Variants in PDS5B observed in about 807,000 individuals in gnomAD.
The protein encoded by PDS5B is sister chromatid cohesion protein PDS5 homolog B.
A neutral mutation model predicts 184.1 loss-of-function variants in PDS5B; 51 were observed. The observed-to-expected ratio is 0.28, with a 90% CI of 0.22 to 0.35. PDS5B has a LOEUF of 0.35. Ranked by LOEUF, PDS5B falls within the 10% of genes least tolerant of loss-of-function variation. The pLI is 1.00. For missense variants in PDS5B, 1,180 were observed against 1,723.3 expected (o/e 0.68, Z 5.58); for synonymous variants, 566 against 569.2 (o/e 0.99, Z 0.08).
intron 21 of PDS5B, among the ~76,000 whole-genome samples, chr13:32,738,445 A>T (rs1351176893): frequency 6.6e-6 from 1 of 152,144 alleles, no homozygotes; most frequent in Non-Finnish European, 1.5e-5. Context: ...GTTACTAATT[A>T]AGTTTGTGTG....
intron 19 of PDS5B, among the ~76,000 whole-genome samples, chr13:32,717,699 A>AAAAT (rs1952511362): frequency 6.7e-6 from 1 of 149,270 alleles, no homozygotes; most frequent in Non-Finnish European, 1.5e-5. Flanking sequence ...AAAAAAAAAA[A>AAAAT]AAATAAATAA....
chr13:32,707,220 G>A (rs1490894441), intron 18 of PDS5B, among the ~76,000 whole-genome samples, 181 bp downstream of exon 18: 1 of 152,112 alleles, frequency 6.6e-6, no homozygotes, highest in Admixed American at 6.6e-5. Flanking sequence ...TTATTTTGGG[G>A]TTTAAATGCT....
At chr13:32,692,414 CCTTTT>C (rs1467226122) in intron 13 of PDS5B, among the ~76,000 whole-genome samples, 4,133 of 68,832 alleles carry the variant, frequency 0.06, 864 homozygotes, top group Middle Eastern at 0.098. Flanking sequence ...GTCCAAAAAG[CCTTTT>C]TTTTTTTTTT....
chr13:32,613,994 C>A (rs1345935155), intron 1 of PDS5B, among the ~76,000 whole-genome samples: 1 of 152,174 alleles, frequency 6.6e-6, no homozygotes, highest in African/African-American at 2.4e-5. Flanking sequence ...AAAGACTGTT[C>A]TTTTCCCATT....
At chr13:32,731,833 G>A (rs1045790201) in intron 19 of PDS5B, among the ~76,000 whole-genome samples, 5 of 152,102 alleles carry the variant, frequency 3.3e-5, no homozygotes, top group Admixed American at 6.6e-5. Flanking sequence ...TGGGAGCGGC[G>A]TTAACAGGAG....
chr13:32,655,001 G>A (rs1479923627), intron 3 of PDS5B, among the ~76,000 whole-genome samples: 6 of 151,978 alleles, frequency 3.9e-5, no homozygotes, highest in Admixed American at 3.9e-4. Flanking sequence ...GCATACATGC[G>A]TCTTTATGGT....
At position 32,688,400 on chromosome 13, in the gene PDS5B, A is replaced by G. The variant is rs1951455013; in HGVS notation, c.1356-56A>G. 1.9e-5 allele frequency: 16 copies of G among 823,244 alleles called. No individual in the cohort carries two copies. In the Admixed American group the frequency reaches 1.9e-4, roughly 10 times the overall value. 51.0% of individuals were successfully genotyped at this position (823,244 alleles called of 1,614,324 possible). A position where few individuals can be genotyped will look rare whatever the true frequency, so the allele number is the denominator to read the frequency against. ...TTTACATAGTTTTAGAATTTTATAT[A>G]CAACTTTAGAACATTAGAAAAAAAT... On this transcript the variant is annotated intron_variant, in intron 12 of 34. Coordinates refer to ENST00000315596, the MANE Select transcript of PDS5B (RefSeq NM_015032.4).
intron 7 of PDS5B, 145 bp from the exon 8 acceptor site, chr13:32,673,070 GT>G: frequency 1.5e-6 from 1 of 688,000 alleles, no homozygotes; most frequent in Non-Finnish European, 2.5e-6. Flanking sequence ...GCCTATATTG[GT>G]TTCCCATATA....
chr13:32,698,006 T>C (rs1186840725), intron 15 of PDS5B, among the ~76,000 whole-genome samples: 1 of 151,994 alleles, frequency 6.6e-6, no homozygotes, highest in Non-Finnish European at 1.5e-5. Context: ...TTTTATAGTT[T>C]GGCTATGGAT....
chr13:32,739,040 A>G (rs564205076), intron 21 of PDS5B, among the ~76,000 whole-genome samples: 1 of 152,308 alleles, frequency 6.6e-6, no homozygotes, highest in African/African-American at 2.4e-5. Context: ...AATACTTTTT[A>G]CATCTTATTT....
chr13:32,647,190 C>T (rs1444930652), intron 1 of PDS5B, among the ~76,000 whole-genome samples: 1 of 152,172 alleles, frequency 6.6e-6, no homozygotes, highest in East Asian at 1.9e-4. Flanking sequence ...TCTATAACTT[C>T]CATGAATTGT....
At chr13:32,672,883 G>T (rs1333344545) in intron 7 of PDS5B, among the ~76,000 whole-genome samples, 3 of 152,210 alleles carry the variant, frequency 2.0e-5, no homozygotes, top group Admixed American at 1.3e-4. Context: ...ATCCCTTAAT[G>T]CAGTCAAGTT....
At chr13:32,758,256 T>G in intron 27 of PDS5B, 37 bp downstream of exon 27, 2 of 1,433,382 alleles carry the variant, frequency 1.4e-6, no homozygotes, top group Non-Finnish European at 1.9e-6. Context: ...GGTTCCATAT[T>G]GATTTAAAAA....
chr13:32,667,071 T>C (rs1950817298), intron 6 of PDS5B, among the ~76,000 whole-genome samples: 1 of 152,140 alleles, frequency 6.6e-6, no homozygotes, highest in African/African-American at 2.4e-5. Context: ...TCTAAAAATA[T>C]GCTGAGTAAA....
Position 32,770,671 on chromosome 13 carries a change from C to G in PDS5B, c.4082C>G (p.Ser1361Cys), listed in dbSNP as rs1482077819. The change falls in exon 33 of 35, where the codon TCT becomes TGT. Residue 1361 changes from serine (S) to cysteine (C), a missense_variant. Coordinates refer to ENST00000315596, the MANE Select transcript of PDS5B (RefSeq NM_015032.4). ...RAQQRAESPE[S>C]SAIESTQSTP... Reference sequence around the variant, plus strand: ...CAAAGCAGAGCAGAATCTCCTGAATCTAGTGCAATTGAATCCACACAGTCC... The same window carrying G: ...CAAAGCAGAGCAGAATCTCCTGAATGTAGTGCAATTGAATCCACACAGTCC... The G allele has an allele frequency of 1.2e-6, 2 of 1,611,188 alleles. No individual in the cohort carries two copies. The highest frequency in any genetic ancestry group is 1.7e-6 in the Non-Finnish European group (2 of 1,178,750).
At chr13:32,601,874 T>G (rs12865299) in intron 1 of PDS5B, among the ~76,000 whole-genome samples, 1 of 152,176 alleles carries the variant, frequency 6.6e-6, no homozygotes, top group Non-Finnish European at 1.5e-5. Context: ...TTTTAATAAG[T>G]TGGTTATTTT....
intron 19 of PDS5B, among the ~76,000 whole-genome samples, chr13:32,710,736 G>C (rs909758293): frequency 6.6e-6 from 1 of 152,256 alleles, no homozygotes; most frequent in Non-Finnish European, 1.5e-5. Flanking sequence ...TGATACTGGC[G>C]TAGTCATAGG....
chr13:32,646,369 GT>G (rs58539534), intron 1 of PDS5B, among the ~76,000 whole-genome samples: 6 of 106,068 alleles, frequency 5.7e-5, no homozygotes, highest in African/African-American at 2.0e-4. Context: ...TCATGGCTGT[GT>G]TTTTTTTTTT....
At chr13:32,726,519 G>A (rs923321074) in intron 19 of PDS5B, among the ~76,000 whole-genome samples, 1 of 152,108 alleles carries the variant, frequency 6.6e-6, no homozygotes, top group African/African-American at 2.4e-5. Flanking sequence ...ATCCATAATG[G>A]TTACACCACT....
Sources: allele counts gnomAD v4.1 joint callset (sites outside exome capture counted in the v4.1 genomes callset), GRCh38; gene constraint gnomAD v4.1.1; transcripts MANE v1.5; gene names NCBI Gene and HGNC (gene_info 2026-07-23, HGNC 2026-07-21).